The following CISD1 variants were observed in gnomAD, a reference collection of about 807,000 sequenced individuals.
CISD1 encodes CDGSH iron sulfur domain 1, also known as CDGSH iron-sulfur domain-containing protein 1.
CISD1 carries 8 observed loss-of-function variants against 12.0 expected under a neutral mutation model. The ratio of observed to expected loss-of-function variants is 0.67; its 90% confidence interval spans 0.39 to 1.20. The LOEUF (loss-of-function observed/expected upper bound fraction) is 1.20, where lower values mean the gene tolerates loss of function less well. Ranked by LOEUF, CISD1 falls within the 50% of genes most tolerant of loss-of-function variation. CISD1 has a pLI of 0.01. For missense variants in CISD1, 107 were observed against 132.7 expected (o/e 0.81, Z 0.95); for synonymous variants, 38 against 42.2 (o/e 0.90, Z 0.39).
intron 2 of CISD1, among the ~76,000 whole-genome samples, chr10:58,286,728 T>A (rs1839434051): frequency 6.6e-6 from 1 of 152,152 alleles, no homozygotes; most frequent in Admixed American, 6.5e-5. Flanking sequence ...AAACAGCAGT[T>A]ATATCTAAAA....
At chr10:58,271,653 A>G (rs1054097374) in intron 1 of CISD1, among the ~76,000 whole-genome samples, 1 of 152,202 alleles carries the variant, frequency 6.6e-6, no homozygotes, top group African/African-American at 2.4e-5. Context: ...GTTTAGAATG[A>G]TATGTGACAG....
chr10:58,277,844 A>G (rs988178455), intron 2 of CISD1, among the ~76,000 whole-genome samples: 2 of 152,124 alleles, frequency 1.3e-5, no homozygotes, highest in African/African-American at 4.8e-5. Context: ...CACAAAGAGA[A>G]GCAGAAGAAG....
At position 58,277,619 on chromosome 10, in the gene CISD1, T is replaced by A. The variant is rs923962327; in HGVS notation, c.237+297T>A. Among the ~76,000 whole-genome samples, 3 of 145,778 alleles carry A rather than the reference T, an allele frequency of 2.1e-5. No individual in the cohort carries two copies. The East Asian group carries it at 6.1e-4, about 30-fold the overall frequency. ...CACTTTTTCTTTCTTTTTTTTTTTTTAATGAATCCTATTCTTCTTTGCCTT... is the reference window on the plus strand; with the variant it reads ...CACTTTTTCTTTCTTTTTTTTTTTTAAATGAATCCTATTCTTCTTTGCCTT... On this transcript the variant is annotated intron_variant, in intron 2 of 2. Coordinates refer to ENST00000333926, the MANE Select transcript of CISD1 (RefSeq NM_018464.5).
intron 2 of CISD1, among the ~76,000 whole-genome samples, chr10:58,278,722 C>A (rs1271449251): frequency 6.6e-6 from 1 of 152,108 alleles, no homozygotes; most frequent in African/African-American, 2.4e-5. Flanking sequence ...ACAGGTTGAG[C>A]ATCTCTAATC....
intron 2 of CISD1, among the ~76,000 whole-genome samples, chr10:58,278,165 C>T (rs1055420655): frequency 2.0e-5 from 3 of 152,180 alleles, no homozygotes; most frequent in East Asian, 1.9e-4. Context: ...AGGATTTGTA[C>T]ACCGAATGAC....
chr10:58,287,409 C>T (rs1156849542), intron 2 of CISD1, 152 bp from the exon 3 acceptor site: 2 of 484,798 alleles, frequency 4.1e-6, no homozygotes, highest in Middle Eastern at 3.4e-4. Context: ...TACTAAGTAG[C>T]ATATGTAGTT....
Position 58,289,385 on chromosome 10 carries a change from T to C in CISD1, c.*1735T>C, listed in dbSNP as rs1181941765. 1 of 152,080 alleles carries C rather than the reference T, an allele frequency of 6.6e-6. No individual in the cohort carries two copies. Among genetic ancestry groups the C allele is most frequent in the East Asian group, 1.9e-4 (1 of 5,214 alleles). 9.4% of individuals were successfully genotyped at this position (152,080 alleles called of 1,614,324 possible). A position where few individuals can be genotyped will look rare whatever the true frequency, so the allele number is the denominator to read the frequency against. On this transcript the variant is annotated 3_prime_UTR_variant, in exon 3 of 3. Transcript: ENST00000333926. ...AACCTGGTACCAGTTCTCAAAACTA[T>C]AGGATTATATGAGTGTGTGTATACA...
chr10:58,276,380 ATATAAC>A (rs1839315033), intron 1 of CISD1, among the ~76,000 whole-genome samples: 1 of 151,908 alleles, frequency 6.6e-6, no homozygotes, highest in African/African-American at 2.4e-5. Context: ...TTAAATGAGA[ATATAAC>A]TATACTTATA....
rs1242026736 is a variant in CISD1 at position 58,269,205 on chromosome 10, C to T, written c.-69C>T. 23 of 1,541,012 alleles carry T rather than the reference C, an allele frequency of 1.5e-5. No homozygotes were observed. The highest frequency in any genetic ancestry group is 1.9e-5 in the Non-Finnish European group (21 of 1,125,800). On this transcript the variant is annotated 5_prime_UTR_variant, in exon 1 of 3. Coordinates refer to ENST00000333926, the MANE Select transcript of CISD1 (RefSeq NM_018464.5). Reference sequence around the variant, plus strand: ...CTTTAGTACGCCGCTGGCACCTTTACTCTCGCCGGCCGCGCGAACCCGTTT... The same window carrying T: ...CTTTAGTACGCCGCTGGCACCTTTATTCTCGCCGGCCGCGCGAACCCGTTT...
At chr10:58,269,595 C>G (rs34248957) in intron 1 of CISD1, among the ~76,000 whole-genome samples, 1 of 152,180 alleles carries the variant, frequency 6.6e-6, no homozygotes, top group Non-Finnish European at 1.5e-5. Flanking sequence ...TTGTTCACCC[C>G]TAAGACGCTT....
At chr10:58,284,508 C>T (rs750943737) in intron 2 of CISD1, among the ~76,000 whole-genome samples, 9 of 152,280 alleles carry the variant, frequency 5.9e-5, no homozygotes, top group Non-Finnish European at 8.8e-5. Context: ...AAGCTTTATA[C>T]ACTTTAATCG....
At chr10:58,272,377 C>T in intron 1 of CISD1, among the ~76,000 whole-genome samples, 1 of 152,034 alleles carries the variant, frequency 6.6e-6, no homozygotes, top group East Asian at 1.9e-4. Context: ...CTATCCCAAA[C>T]CCTGATCACT....
chr10:58,283,580 G>C (rs1230836256), intron 2 of CISD1, among the ~76,000 whole-genome samples: 1 of 152,174 alleles, frequency 6.6e-6, no homozygotes, highest in Non-Finnish European at 1.5e-5. Context: ...AATTGTTTCA[G>C]GTGGAAGAGA....
chr10:58,287,718 C>A lies in CISD1; in HGVS notation c.*68C>A. On this transcript the variant is annotated 3_prime_UTR_variant, in exon 3 of 3. Transcript: ENST00000333926. ...CCTGATTGTTTAATTAGAATGACTA[C>A]CACCTCTGTCTGATTCACCTTCGCT... 4.1e-6 allele frequency: 4 copies of A among 977,134 alleles called. No individual in the cohort carries two copies. The South Asian group carries it at 6.2e-5, about 15-fold the overall frequency. 60.5% of individuals were successfully genotyped at this position (977,134 alleles called of 1,614,324 possible).
intron 1 of CISD1, 59 bp downstream of exon 1, chr10:58,269,363 A>C: frequency 6.6e-7 from 1 of 1,515,098 alleles, no homozygotes. Flanking sequence ...CCGCGCCCGC[A>C]GTTCGACTGG....
chr10:58,274,817 A>T (rs1216316150), intron 1 of CISD1, among the ~76,000 whole-genome samples: 1 of 149,056 alleles, frequency 6.7e-6, no homozygotes, highest in African/African-American at 2.5e-5. Flanking sequence ...GGTAAAGCTT[A>T]AAAAAAAAAG....
chr10:58,272,206 C>A (rs755407593), intron 1 of CISD1, among the ~76,000 whole-genome samples: 3 of 146,178 alleles, frequency 2.1e-5, no homozygotes, highest in African/African-American at 7.9e-5. Flanking sequence ...TTAAGTCACT[C>A]ATAATTCACC....
At chr10:58,273,549 A>G (rs1163577668) in intron 1 of CISD1, 1 of 152,090 alleles carries the variant, frequency 6.6e-6, no homozygotes, top group South Asian at 2.1e-4. Context: ...AAGAAAAAAA[A>G]AAAGCTGAAG....
intron 2 of CISD1, among the ~76,000 whole-genome samples, chr10:58,277,908 T>C (rs1259993199): frequency 3.9e-5 from 6 of 152,166 alleles, no homozygotes; most frequent in Non-Finnish European, 7.3e-5. Context: ...GTGTTAGAAA[T>C]TTGAAAAGAA....
Sources: gnomAD v4.1 joint callset for allele counts (sites outside exome capture counted in the v4.1 genomes callset) on GRCh38, gnomAD v4.1.1 for gene constraint, MANE v1.5 for transcripts, NCBI Gene and HGNC (gene_info 2026-07-23, HGNC 2026-07-21) for gene names.